Variants in CACNB4 observed in about 807,000 individuals in gnomAD.
The protein encoded by CACNB4 is voltage-dependent L-type calcium channel subunit beta-4.
CACNB4 carries 32 observed loss-of-function variants against 71.2 expected under a neutral mutation model. The ratio of observed to expected loss-of-function variants is 0.45; its 90% CI spans 0.34 to 0.60. The LOEUF (loss-of-function observed/expected upper bound fraction) is 0.60. CACNB4 is among the 20% of genes least tolerant of loss of function. The pLI is 0.01. For missense variants in CACNB4, 464 were observed against 647.9 expected (o/e 0.72, Z 3.08); for synonymous variants, 231 against 236.9 (o/e 0.97, Z 0.23).
chr2:152,055,558 A>C (rs1685679077), intron 2 of CACNB4, among the ~76,000 whole-genome samples: 1 of 152,186 alleles, frequency 6.6e-6, no homozygotes, highest in Admixed American at 6.5e-5. Flanking sequence ...CACAGCCCAC[A>C]GGCAATGCAA....
At chr2:151,919,529 G>A (rs1044590400) in intron 2 of CACNB4, among the ~76,000 whole-genome samples, 5 of 152,182 alleles carry the variant, frequency 3.3e-5, no homozygotes, top group African/African-American at 1.2e-4. Flanking sequence ...GATGCAAAAT[G>A]TAACAGGGCA....
chr2:152,007,513 T>C (rs942477360), intron 2 of CACNB4, among the ~76,000 whole-genome samples: 3 of 152,234 alleles, frequency 2.0e-5, no homozygotes, highest in Admixed American at 2.0e-4. Context: ...CGTAATGTCT[T>C]CAAGGTTCAC....
rs2099846277 is a variant in CACNB4, at chr2:151,876,462, A to G, written c.485T>C (p.Ile162Thr). The G allele has an allele frequency of 1.2e-6, 2 of 1,603,982 alleles. No homozygotes were observed. Among genetic ancestry groups the G allele is most frequent in the Non-Finnish European group, 1.7e-6 (2 of 1,173,414 alleles). The change falls in exon 5 of 14, where the codon ATC (isoleucine) becomes ACC (threonine). Residue 162 changes from isoleucine (I) to threonine (T), a missense_variant. Ile to Thr is a moderately conservative substitution (Grantham distance 89). Coordinates refer to ENST00000539935, the MANE Select transcript of CACNB4 (RefSeq NM_000726.5). ...ACGTCCTCTTTTTTGTTCTTGCTGGATCCGTATGTTCTCCAATCTGAGTGG... is the reference window on the plus strand; with the variant it reads ...ACGTCCTCTTTTTTGTTCTTGCTGGGTCCGTATGTTCTCCAATCTGAGTGG... Reference protein sequence around the residue: ...PSPLRLENIRIQQEQKRGRFH... With the variant: ...PSPLRLENIRTQQEQKRGRFH...
At chr2:152,026,167 C>T (rs979879018) in intron 2 of CACNB4, among the ~76,000 whole-genome samples, 1 of 152,170 alleles carries the variant, frequency 6.6e-6, no homozygotes, top group Non-Finnish European at 1.5e-5. Context: ...TGCCTTTTCT[C>T]GTTGTTGTGA....
chr2:151,850,867 T>A (rs2099838907), intron 12 of CACNB4: 1 of 152,204 alleles, frequency 6.6e-6, no homozygotes, highest in Non-Finnish European at 1.5e-5. Context: ...GGACCCATAT[T>A]ATAAATAATA....
At chr2:151,921,610 A>T (rs1403803508) in intron 2 of CACNB4, among the ~76,000 whole-genome samples, 1 of 152,208 alleles carries the variant, frequency 6.6e-6, no homozygotes, top group Non-Finnish European at 1.5e-5. Flanking sequence ...TTCTAAAGCC[A>T]GCCACCTCCC....
At chr2:152,090,762 A>C (rs1225129141) in intron 2 of CACNB4, among the ~76,000 whole-genome samples, 1 of 152,154 alleles carries the variant, frequency 6.6e-6, no homozygotes, top group African/African-American at 2.4e-5. Flanking sequence ...AATGAAATTT[A>C]GGGTTGGGCA....
At chr2:151,918,350 T>C (rs1180163649) in intron 2 of CACNB4, among the ~76,000 whole-genome samples, 3 of 152,226 alleles carry the variant, frequency 2.0e-5, no homozygotes, top group African/African-American at 7.2e-5. Context: ...CCTCCCAAAT[T>C]GCTTACAATC....
At chr2:151,941,728 G>A (rs11685243) in intron 2 of CACNB4, among the ~76,000 whole-genome samples, 4,073 of 152,174 alleles carry the variant, frequency 0.027, 51 homozygotes, top group African/African-American at 0.033. Flanking sequence ...ATTTCATCCT[G>A]GACATACACA....
intron 2 of CACNB4, among the ~76,000 whole-genome samples, chr2:152,005,903 GAGA>G (rs1233934277): frequency 4.6e-5 from 7 of 152,188 alleles, no homozygotes; most frequent in African/African-American, 1.7e-4. Flanking sequence ...AGGACTGAAG[GAGA>G]TAATATATGC....
intron 5 of CACNB4, chr2:151,875,120 G>A (rs1227402347): frequency 2.7e-6 from 1 of 363,768 alleles, no homozygotes; most frequent in Non-Finnish European, 4.9e-6. Flanking sequence ...ATAAACAAGT[G>A]AACAAAGGTC....
At chr2:151,943,657 G>A (rs971535272) in intron 2 of CACNB4, among the ~76,000 whole-genome samples, 11 of 152,192 alleles carry the variant, frequency 7.2e-5, no homozygotes, top group East Asian at 1.9e-4. Flanking sequence ...TAAGGGGTTC[G>A]TCCAGTTCTG....
chr2:151,962,929 A>T (rs915337201), intron 2 of CACNB4: 1 of 152,108 alleles, frequency 6.6e-6, no homozygotes, highest in Non-Finnish European at 1.5e-5. Flanking sequence ...AAACCATACA[A>T]ATTATACGAT....
chr2:151,843,406 C>T (rs2099836739), intron 12 of CACNB4, among the ~76,000 whole-genome samples: 1 of 152,220 alleles, frequency 6.6e-6, no homozygotes, highest in Admixed American at 6.5e-5. Flanking sequence ...CCTGGAACAC[C>T]TGGGCTCTAG....
chr2:152,003,057 C>T (rs1237770885), intron 2 of CACNB4, among the ~76,000 whole-genome samples: 1 of 152,158 alleles, frequency 6.6e-6, no homozygotes, highest in East Asian at 1.9e-4. Context: ...TCTCCAGGGC[C>T]CATGGAAAAT....
intron 2 of CACNB4, among the ~76,000 whole-genome samples, chr2:151,994,222 A>T (rs1234902963): frequency 6.6e-6 from 1 of 152,000 alleles, no homozygotes; most frequent in Non-Finnish European, 1.5e-5. Context: ...GAATCCAGAA[A>T]AAAAGGGTCC....
At chr2:151,907,750 C>T (rs1316576151) in intron 2 of CACNB4, among the ~76,000 whole-genome samples, 1 of 152,194 alleles carries the variant, frequency 6.6e-6, no homozygotes, top group Non-Finnish European at 1.5e-5. Flanking sequence ...CTTTCTCTGA[C>T]ATGTGATGGA....
intron 2 of CACNB4, among the ~76,000 whole-genome samples, chr2:151,931,758 A>G (rs2099861694): frequency 6.6e-6 from 1 of 152,210 alleles, no homozygotes; most frequent in African/African-American, 2.4e-5. Flanking sequence ...TTCAAGTTGC[A>G]CAGTAAGCAA....
upstream of CACNB4, chr2:152,099,126 C>A (rs1474948670): frequency 1.2e-5 from 7 of 604,228 alleles, no homozygotes; most frequent in Non-Finnish European, 1.7e-5. Flanking sequence ...GGCTCCAGGA[C>A]CCGCGCCGGC....
Sources: allele counts gnomAD v4.1 joint callset (sites outside exome capture counted in the v4.1 genomes callset), GRCh38; gene constraint gnomAD v4.1.1; transcripts MANE v1.5; gene names NCBI Gene and HGNC (gene_info 2026-07-23, HGNC 2026-07-21).